The following DOCK7 variants were observed in gnomAD, a reference collection of about 807,000 sequenced individuals.
DOCK7 encodes dedicator of cytokinesis 7.
In DOCK7, 138 loss-of-function variants were observed where a neutral mutation model predicts 271.0. That is an observed-to-expected ratio of 0.51 (90% CI 0.44 to 0.59). The LOEUF is 0.59. Among genes scored for constraint, DOCK7 ranks in the 20% least tolerant of loss-of-function variants. The probability of loss-of-function intolerance (pLI) is 0.00; values close to 1 mark genes in which losing one functional copy is unlikely to be tolerated. For missense variants in DOCK7, 2,066 were observed against 2,592.4 expected (o/e 0.80, Z 4.41); for synonymous variants, 823 against 876.1 (o/e 0.94, Z 1.07).
chr1:62,579,066 TTAA>T (rs1438783580), intron 16 of DOCK7, 100 bp from the exon 17 acceptor site: 3 of 1,193,608 alleles, frequency 2.5e-6, no homozygotes, highest in Non-Finnish European at 3.3e-6. Flanking sequence ...AGATTCATGT[TTAA>T]TTTTTCCTCT....
chr1:62,601,863 C>G, intron 14 of DOCK7: 1 of 1,607,596 alleles, frequency 6.2e-7, no homozygotes, highest in African/African-American at 1.3e-5. Context: ...TTTTTCATGT[C>G]TACTGTGATG....
chr1:62,559,731 G>T (rs528926214), intron 19 of DOCK7, among the ~76,000 whole-genome samples: 1 of 152,260 alleles, frequency 6.6e-6, no homozygotes, highest in East Asian at 1.9e-4. Flanking sequence ...GTGCAGAAAA[G>T]AATTAACATA....
intron 12 of DOCK7, 122 bp downstream of exon 12, chr1:62,625,137 A>C: frequency 5.0e-6 from 4 of 806,962 alleles, no homozygotes; most frequent in Non-Finnish European, 7.4e-6. Context: ...TTTTATTCTT[A>C]AAGTTTTTAA....
At chr1:62,584,232 G>T in intron 15 of DOCK7, 1 of 977,406 alleles carries the variant, frequency 1.0e-6, no homozygotes, top group Non-Finnish European at 1.2e-6. Context: ...TATTTTAAGG[G>T]TATGTACAAG....
At position 62,555,876 on chromosome 1, in the gene DOCK7, T is replaced by C. The variant is rs1388592985; in HGVS notation, c.2545A>G (p.Ile849Val). ...TTTGGTAGGCGGAAAACATAATGAA[T>C]ATATGATGCAAGAAGGCTGTTTCTG... ...HGRNSLLASY[I>V]HYVFRLPNTY... The change falls in exon 21 of 50, where the codon ATT becomes GTT. Residue 849 changes from isoleucine to valine, a missense_variant. Physicochemically the swap from Ile to Val is conservative, Grantham distance 29. This residue lies in a region of DOCK7 where 1,414 missense variants were observed against 1,670.4 expected (regional missense o/e 0.85). Transcript: ENST00000635253. 6.2e-7 allele frequency: 1 copy of C among 1,613,866 alleles called. No homozygotes were observed. Among genetic ancestry groups the C allele is most frequent in the Admixed American group, 1.7e-5 (1 of 59,998 alleles).
intron 11 of DOCK7, among the ~76,000 whole-genome samples, chr1:62,625,676 A>G (rs1484241204): frequency 1.3e-5 from 2 of 152,238 alleles, no homozygotes; most frequent in Non-Finnish European, 2.9e-5. Flanking sequence ...GCTATAGAGG[A>G]AGTATGCATT....
At position 62,513,942 on chromosome 1, in the gene DOCK7, C is replaced by T. The variant is rs375524621; in HGVS notation, c.3937-44G>A. 1,693 of 1,522,496 alleles carry T rather than the reference C, an allele frequency of 1.1e-3. 3 individuals are homozygous for T. The highest frequency in any genetic ancestry group is 2.3e-3 in the South Asian group (179 of 77,620). The allele number at this position is 1,522,496 out of a possible 1,614,324, so 94.3% of individuals were successfully genotyped here. A position where few individuals can be genotyped will look rare whatever the true frequency, so the allele number is the denominator to read the frequency against. Reference sequence around the variant, plus strand: ...AGAATGAGACAGATTGATCAAAGACCATTTCTTGTTTTTTGGCTATCAACT... The same window carrying T: ...AGAATGAGACAGATTGATCAAAGACTATTTCTTGTTTTTTGGCTATCAACT... On this transcript the variant is annotated intron_variant, in intron 31 of 49. Coordinates refer to ENST00000635253, the MANE Select transcript of DOCK7 (RefSeq NM_001367561.1).
chr1:62,630,611 A>C (rs1654504048), intron 11 of DOCK7, among the ~76,000 whole-genome samples: 1 of 152,012 alleles, frequency 6.6e-6, no homozygotes. Context: ...TGAGTACCCA[A>C]AACTCCCCAC....
In DOCK7 at chr1:62,566,926, C is replaced by A. The variant is rs1646535358; in HGVS notation, c.2113-5223G>T. The stretch of plus-strand genomic sequence containing the variant: ...TTCTCAAAAGAAGACATTTATGCAG[C>A]CAAGAGACACATGAAAAAATGCTCA... On this transcript the variant is annotated intron_variant, in intron 18 of 49. Transcript: ENST00000635253. Among the ~76,000 whole-genome samples the A allele has an allele frequency of 1.3e-5, 2 of 152,138 alleles. 1 individual carries two copies. Among genetic ancestry groups the A allele is most frequent in the South Asian group, 4.1e-4 (2 of 4,824 alleles).
intron 18 of DOCK7, among the ~76,000 whole-genome samples, chr1:62,576,894 C>T (rs1185147366): frequency 6.6e-6 from 1 of 152,080 alleles, no homozygotes; most frequent in Non-Finnish European, 1.5e-5. Context: ...TTCCTTCCTC[C>T]AGTCTTTTAG....
chr1:62,455,831 T>C (rs1011664578), intron 49 of DOCK7, among the ~76,000 whole-genome samples: 11 of 152,222 alleles, frequency 7.2e-5, no homozygotes, highest in African/African-American at 2.4e-4. Context: ...TCTCAAACTT[T>C]GTCTCAGGTC....
chr1:62,519,392 C>T (rs1644776632), intron 31 of DOCK7, among the ~76,000 whole-genome samples: 1 of 152,128 alleles, frequency 6.6e-6, no homozygotes, highest in Admixed American at 6.5e-5. Context: ...ACATAACAAA[C>T]TGATATCATA....
At chr1:62,519,125 G>C (rs886354803) in intron 31 of DOCK7, among the ~76,000 whole-genome samples, 48 of 152,018 alleles carry the variant, frequency 3.2e-4, no homozygotes, top group African/African-American at 1.1e-3. Context: ...TTATATAAAA[G>C]TGTTAAATGT....
chr1:62,582,367 G>T (rs1174519392), intron 16 of DOCK7, among the ~76,000 whole-genome samples: 1 of 150,684 alleles, frequency 6.6e-6, no homozygotes, highest in Non-Finnish European at 1.5e-5. Flanking sequence ...CGGCTAAAAC[G>T]GTGAAAACCC....
chr1:62,468,455 T>C (rs1331992425), intron 48 of DOCK7, among the ~76,000 whole-genome samples: 1 of 148,196 alleles, frequency 6.7e-6, no homozygotes, highest in East Asian at 2.0e-4. Flanking sequence ...ACAGCCAACA[T>C]AATACTGAAT....
At chr1:62,475,468 A>G (rs1571220535) in intron 46 of DOCK7, 117 bp from the exon 47 acceptor site, 1 of 1,318,706 alleles carries the variant, frequency 7.6e-7, no homozygotes, top group African/African-American at 1.5e-5. Flanking sequence ...TTCATGTAAC[A>G]ATAAAATTCC....
intron 14 of DOCK7, chr1:62,597,473 G>C: frequency 7.2e-7 from 1 of 1,384,324 alleles, no homozygotes; most frequent in Non-Finnish European, 9.9e-7. Flanking sequence ...TACCTTTTCT[G>C]GGCAAATATT....
chr1:62,561,664 C>T lies in DOCK7; in HGVS notation c.2152G>A (p.Gly718Ser). The change falls in exon 19 of 50, where the codon GGT becomes AGT. Residue 718 changes from glycine to serine, a missense_variant. Coordinates refer to ENST00000635253, the MANE Select transcript of DOCK7 (RefSeq NM_001367561.1). The stretch of plus-strand genomic sequence containing the variant: ...GCAACAACTTCAACATTAAAAACAC[C>T]TTTGTGATTATCTACCCATTTCATG... ...PGMKWVDNHKGVFNVEVVAVS... is the reference protein window; with the variant it reads ...PGMKWVDNHKSVFNVEVVAVS... 2 of 1,574,790 alleles carry T rather than the reference C, an allele frequency of 1.3e-6. No homozygotes were observed. Among genetic ancestry groups the T allele is most frequent in the Non-Finnish European group, 1.7e-6 (2 of 1,166,416 alleles).
At chr1:62,658,671 C>A (rs1057227101) in intron 2 of DOCK7, among the ~76,000 whole-genome samples, 2 of 151,950 alleles carry the variant, frequency 1.3e-5, no homozygotes, top group Non-Finnish European at 2.9e-5. Flanking sequence ...AGGGGAAGGC[C>A]GGGCGCAGTA....
Sources: gnomAD v4.1 joint callset for allele counts (sites outside exome capture counted in the v4.1 genomes callset) on GRCh38, gnomAD v4.1.1 for gene constraint, gnomAD v4.1.1 regional missense constraint, MANE v1.5 for transcripts, NCBI Gene and HGNC (gene_info 2026-07-23, HGNC 2026-07-21) for gene names.